WDFY4: variants seen among roughly 807,000 people sequenced by gnomAD.
The protein encoded by WDFY4 is WD repeat- and FYVE domain-containing protein 4.
In WDFY4, 169 loss-of-function variants were observed where a neutral mutation model predicts 351.9. The observed-to-expected ratio is 0.48, with a 90% CI of 0.42 to 0.55. The LOEUF is 0.55. WDFY4 is among the 20% of genes least tolerant of loss of function. The pLI is 0.00. For synonymous variants in WDFY4, 1,622 were observed against 1,574.6 expected (o/e 1.03, Z -0.71); for missense variants, 3,803 against 3,935.6 (o/e 0.97, Z 0.90).
At chr10:48,923,927 C>T (rs1460360141) in intron 47 of WDFY4, among the ~76,000 whole-genome samples, 1 of 152,174 alleles carries the variant, frequency 6.6e-6, no homozygotes, top group East Asian at 1.9e-4. Flanking sequence ...GCCAGTTGGG[C>T]CCAGCTGTGC....
Position 48,891,474 on chromosome 10 carries a change from T to C in WDFY4, c.7316+747T>C, listed in dbSNP as rs886917875. Among the ~76,000 whole-genome samples, 5 of 152,320 alleles carry C rather than the reference T, an allele frequency of 3.3e-5. No individual in the cohort carries two copies. In the South Asian group the frequency reaches 1.0e-3, roughly 32 times the overall value. Reference sequence around the variant, plus strand: ...TTTTGCCAAAAGTCCAGTTGTCAAGTGTATGTTTTCACTTGATCATTGTCT... The same window carrying C: ...TTTTGCCAAAAGTCCAGTTGTCAAGCGTATGTTTTCACTTGATCATTGTCT... On this transcript the variant is annotated intron_variant, in intron 44 of 61. Coordinates refer to ENST00000325239, the MANE Select transcript of WDFY4 (RefSeq NM_001394531.1).
At chr10:48,977,134 T>G in intron 59 of WDFY4, 155 bp downstream of exon 59, 1 of 629,498 alleles carries the variant, frequency 1.6e-6, no homozygotes, top group Non-Finnish European at 2.4e-6. Context: ...CAAGGCTCTT[T>G]GCAGGGAAAA....
At chr10:48,863,797 C>T (rs1194694177) in intron 39 of WDFY4, among the ~76,000 whole-genome samples, 1 of 152,162 alleles carries the variant, frequency 6.6e-6, no homozygotes, top group Admixed American at 6.6e-5. Flanking sequence ...TTAATTGACT[C>T]ACAGTTTGGC....
chr10:48,707,957 C>G (rs12357601), intron 1 of WDFY4, among the ~76,000 whole-genome samples: 11,261 of 152,046 alleles, frequency 0.074, 644 homozygotes, highest in Admixed American at 0.15. Flanking sequence ...CAACTTAATC[C>G]CCCACAAAAC....
intron 47 of WDFY4, chr10:48,910,805 G>C (rs1054936308): frequency 3.9e-6 from 2 of 511,600 alleles, no homozygotes; most frequent in East Asian, 3.0e-4. Flanking sequence ...GCAAGTAAGG[G>C]TGTTGAGGAC....
chr10:48,819,491 C>T (rs1052451631), intron 32 of WDFY4, among the ~76,000 whole-genome samples: 2 of 152,176 alleles, frequency 1.3e-5, no homozygotes, highest in South Asian at 2.1e-4. Flanking sequence ...AAGGGAGGTG[C>T]TAACAGATGA....
chr10:48,760,040 C>T (rs78034600), intron 12 of WDFY4, among the ~76,000 whole-genome samples: 3,364 of 152,100 alleles, frequency 0.022, 58 homozygotes, highest in Non-Finnish European at 0.038. Context: ...TTCTCAATCT[C>T]CAACGTATCT....
At chr10:48,916,624 AG>A (rs1838561563) in intron 47 of WDFY4, among the ~76,000 whole-genome samples, 1 of 152,206 alleles carries the variant, frequency 6.6e-6, no homozygotes, top group Admixed American at 6.5e-5. Context: ...AAGACCAAAA[AG>A]TCGGGGGAGA....
chr10:48,849,025 A>C (rs1278319096), intron 39 of WDFY4, among the ~76,000 whole-genome samples: 1 of 152,014 alleles, frequency 6.6e-6, no homozygotes, highest in African/African-American at 2.4e-5. Flanking sequence ...CAGCAGTTTC[A>C]CTCTGCCCTC....
chr10:48,690,685 CT>C (rs2063169365), intron 1 of WDFY4, among the ~76,000 whole-genome samples: 1 of 152,170 alleles, frequency 6.6e-6, no homozygotes. Flanking sequence ...GGTAGCTCTT[CT>C]CTGCAGCTGG....
At chr10:48,894,869 C>T (rs1163166320) in intron 44 of WDFY4, among the ~76,000 whole-genome samples, 1 of 152,164 alleles carries the variant, frequency 6.6e-6, no homozygotes, top group Non-Finnish European at 1.5e-5. Flanking sequence ...TGTGGCCTTA[C>T]TGGGAGTCAG....
At chr10:48,823,346 C>T (rs1229008155) in intron 35 of WDFY4, 1 of 1,268,868 alleles carries the variant, frequency 7.9e-7, no homozygotes, top group East Asian at 5.6e-5. Flanking sequence ...TGGGATCTAC[C>T]TCCAGCAACT....
chr10:48,796,277 G>T (rs2066872225), intron 23 of WDFY4, 21 bp from the exon 24 acceptor site: 1 of 1,547,012 alleles, frequency 6.5e-7, no homozygotes, highest in Non-Finnish European at 8.7e-7. Context: ...TGAGGAAACT[G>T]CTTTGTGTTA....
intron 60 of WDFY4, chr10:48,978,801 G>A (rs1842687424): frequency 6.2e-6 from 1 of 161,230 alleles, no homozygotes; most frequent in Non-Finnish European, 1.3e-5. Flanking sequence ...CATCTTTACT[G>A]GGACCCACAA....
rs1472686090 is a variant in WDFY4, at chr10:48,788,168, C to T, written c.3809-362C>T. Among the ~76,000 whole-genome samples the T allele has an allele frequency of 3.3e-5, 5 of 151,848 alleles. No homozygotes were observed. In the South Asian group the frequency reaches 1.0e-3, roughly 32 times the overall value. On this transcript the variant is annotated intron_variant, in intron 20 of 61. Transcript: ENST00000325239. The stretch of plus-strand genomic sequence containing the variant: ...TCAGCCTGCCAAGTAGCTGGGACTA[C>T]AGGCATGCGCCACCATGCCCAGCTG...
chr10:48,880,751 T>C (rs1027624649), intron 43 of WDFY4, among the ~76,000 whole-genome samples: 1 of 152,204 alleles, frequency 6.6e-6, no homozygotes, highest in Non-Finnish European at 1.5e-5. Context: ...CTATGCATTT[T>C]ATGGGGCTAT....
At chr10:48,932,854 TAAG>T (rs1247110121) in intron 47 of WDFY4, among the ~76,000 whole-genome samples, 1 of 152,214 alleles carries the variant, frequency 6.6e-6, no homozygotes, top group Non-Finnish European at 1.5e-5. Context: ...ACTAGAATGC[TAAG>T]AAGAAGCCAC....
chr10:48,756,779 T>C (rs951467940), intron 12 of WDFY4, among the ~76,000 whole-genome samples: 1 of 152,084 alleles, frequency 6.6e-6, no homozygotes, highest in Non-Finnish European at 1.5e-5. Context: ...TTGCCTTGCA[T>C]TTACGGGTAG....
At chr10:48,977,425 T>C (rs1422694480) in intron 59 of WDFY4, among the ~76,000 whole-genome samples, 1 of 150,008 alleles carries the variant, frequency 6.7e-6, no homozygotes, top group South Asian at 2.1e-4. Context: ...ACCCATCCAC[T>C]CATCCATCCA....
Sources: allele counts gnomAD v4.1 joint callset (sites outside exome capture counted in the v4.1 genomes callset), GRCh38; gene constraint gnomAD v4.1.1; transcripts MANE v1.5; gene names NCBI Gene and HGNC (gene_info 2026-07-23, HGNC 2026-07-21).